EIF2S1: variants seen among roughly 807,000 people sequenced by gnomAD.
The protein encoded by EIF2S1 is eukaryotic translation initiation factor 2 subunit 1.
EIF2S1 carries 5 observed loss-of-function variants against 33.5 expected under a neutral mutation model. The observed-to-expected ratio is 0.15, with a 90% CI of 0.08 to 0.31. The LOEUF (loss-of-function observed/expected upper bound fraction) is 0.31. EIF2S1 is among the 10% of genes least tolerant of loss of function. The probability of loss-of-function intolerance (pLI) is 1.00; values close to 1 mark genes in which losing one functional copy is unlikely to be tolerated. For missense variants in EIF2S1, 191 were observed against 384.6 expected, an observed-to-expected ratio of 0.50 and a Z score of 4.21; for synonymous variants, 99 against 127.5, an observed-to-expected ratio of 0.78 and a Z score of 1.51.
chr14:67,378,347 C>T (rs949778540), intron 4 of EIF2S1, among the ~76,000 whole-genome samples: 7 of 138,354 alleles, frequency 5.1e-5, no homozygotes, highest in Admixed American at 3.8e-4. Context: ...TGGTATATCA[C>T]GTGGTAGAAA....
rs183671945 is a variant in EIF2S1 at position 67,384,434 on chromosome 14, A to C, written c.*994A>C. On this transcript the variant is annotated 3_prime_UTR_variant, in exon 8 of 8. Coordinates refer to ENST00000256383, the MANE Select transcript of EIF2S1 (RefSeq NM_004094.5). The stretch of plus-strand genomic sequence containing the variant: ...AACTAATTCGTACATAATAAGTTTC[A>C]TAGGTAACACATTATTTGAAGTTAC... The C allele has an allele frequency of 6.6e-6, 1 of 151,912 alleles. No individual in the cohort carries two copies. Among genetic ancestry groups the C allele is most frequent in the Admixed American group, 6.6e-5 (1 of 15,252 alleles). The allele number at this position is 151,912 out of a possible 1,614,324, so 9.4% of individuals were successfully genotyped here.
chr14:67,380,928 A>G (rs2085884628), intron 5 of EIF2S1, among the ~76,000 whole-genome samples, 163 bp downstream of exon 5: 1 of 152,222 alleles, frequency 6.6e-6, no homozygotes, highest in Non-Finnish European at 1.5e-5. Context: ...TGGCTTCTGA[A>G]TCATAAAATT....
chr14:67,369,712 T>C (rs1358223063), intron 2 of EIF2S1, among the ~76,000 whole-genome samples: 1 of 152,204 alleles, frequency 6.6e-6, no homozygotes, highest in Non-Finnish European at 1.5e-5. Flanking sequence ...TTCCAAATAA[T>C]TCATATATTA....
At chr14:67,368,661 C>T (rs984743477) in intron 2 of EIF2S1, among the ~76,000 whole-genome samples, 4 of 143,732 alleles carry the variant, frequency 2.8e-5, no homozygotes, top group South Asian at 2.3e-4. Flanking sequence ...TGATTCTTAA[C>T]GATTCTTACA....
intron 2 of EIF2S1, among the ~76,000 whole-genome samples, chr14:67,371,633 T>G (rs957355743): frequency 6.6e-6 from 1 of 152,202 alleles, no homozygotes; most frequent in Non-Finnish European, 1.5e-5. Flanking sequence ...CTATACTGAT[T>G]AGGTAGTTGT....
intron 2 of EIF2S1, among the ~76,000 whole-genome samples, chr14:67,369,897 G>GAC (rs887798305): frequency 2.6e-5 from 4 of 152,094 alleles, no homozygotes; most frequent in Admixed American, 2.0e-4. Flanking sequence ...AGGAATTAAA[G>GAC]ACACACACAC....
chr14:67,364,976 G>A lies in EIF2S1; in HGVS notation c.209G>A (p.Cys70Tyr). Residue 70 changes from cysteine to tyrosine, a missense_variant, in exon 2 of 8, where the codon TGT (cysteine) becomes TAT (tyrosine). Coordinates refer to ENST00000256383, the MANE Select transcript of EIF2S1 (RefSeq NM_004094.5). ...NKLIRIGRNE[C>Y]VVVIRVDKEK... Reference sequence around the variant, plus strand: ...CTCATCCGAATTGGCAGGAATGAGTGTGTGGTTGTCATTAGGGTGGACAAA... The same window carrying A: ...CTCATCCGAATTGGCAGGAATGAGTATGTGGTTGTCATTAGGGTGGACAAA... 6.2e-7 allele frequency: 1 copy of A among 1,613,524 alleles called. No individual in the cohort carries two copies. Among genetic ancestry groups the A allele is most frequent in the South Asian group, 1.1e-5 (1 of 91,002 alleles).
At chr14:67,377,981 C>T (rs562336984) in intron 4 of EIF2S1, among the ~76,000 whole-genome samples, 3 of 151,720 alleles carry the variant, frequency 2.0e-5, no homozygotes, top group Non-Finnish European at 4.4e-5. Flanking sequence ...GGTGTGGTAG[C>T]ATTTGCCTGT....
chr14:67,365,008 GGTAA>G lies in EIF2S1; in HGVS notation c.241+3_241+6del, dbSNP rs755389283. The G allele has an allele frequency of 6.3e-7, 1 of 1,575,448 alleles. No homozygotes were observed. Among genetic ancestry groups the G allele is most frequent in the Non-Finnish European group, 8.6e-7 (1 of 1,159,228 alleles). ...TGTCATTAGGGTGGACAAAGAAAAA[GGTAA>G]GTGAGAAAAATATCTGTAATATAAA... On this transcript the variant is annotated splice_donor_variant and splice_donor_region_variant and intron_variant, in intron 2 of 7. Coordinates refer to ENST00000256383, the MANE Select transcript of EIF2S1 (RefSeq NM_004094.5). LOFTEE classifies it high-confidence loss of function.
intron 2 of EIF2S1, among the ~76,000 whole-genome samples, chr14:67,373,263 CTG>C (rs1037018338): frequency 1.3e-5 from 2 of 152,178 alleles, no homozygotes; most frequent in African/African-American, 4.8e-5. Flanking sequence ...GGTTAAATGA[CTG>C]TTCTTTTTTT....
intron 1 of EIF2S1, among the ~76,000 whole-genome samples, chr14:67,362,787 A>G (rs2085751700): frequency 6.6e-6 from 1 of 152,242 alleles, no homozygotes. Context: ...TCATTAGGCA[A>G]TATGTTCAAA....
At chr14:67,371,893 A>C (rs1176772176) in intron 2 of EIF2S1, among the ~76,000 whole-genome samples, 1 of 152,356 alleles carries the variant, frequency 6.6e-6, no homozygotes, top group East Asian at 1.9e-4. Flanking sequence ...TATGTTTTTC[A>C]AATCCAACAA....
intron 4 of EIF2S1, among the ~76,000 whole-genome samples, chr14:67,378,637 A>T (rs1280197889): frequency 6.6e-6 from 1 of 152,166 alleles, no homozygotes; most frequent in African/African-American, 2.4e-5. Flanking sequence ...AACTGTCATC[A>T]TCTGGCTTCT....
Position 67,383,850 on chromosome 14 carries a change from G to T in EIF2S1, c.*410G>T. 4.2e-6 allele frequency: 1 copy of T among 238,696 alleles called. No individual in the cohort carries two copies. Among genetic ancestry groups the T allele is most frequent in the Non-Finnish European group, 8.4e-6 (1 of 119,276 alleles). The allele number at this position is 238,696 out of a possible 1,614,324, so 14.8% of individuals were successfully genotyped here. A position where few individuals can be genotyped will look rare whatever the true frequency, so the allele number is the denominator to read the frequency against. On this transcript the variant is annotated 3_prime_UTR_variant, in exon 8 of 8. Transcript: ENST00000256383. ...TCAAGCAAACATCAAATAAATTTCT[G>T]GGATATTTAACTATAGGCTTCTTCC...
chr14:67,373,044 A>G (rs78754667), intron 2 of EIF2S1, among the ~76,000 whole-genome samples: 7 of 152,314 alleles, frequency 4.6e-5, no homozygotes, highest in East Asian at 1.9e-4. Context: ...TTAAAAATCA[A>G]TTGAGAGACA....
At chr14:67,371,448 G>C (rs1293008179) in intron 2 of EIF2S1, among the ~76,000 whole-genome samples, 1 of 152,056 alleles carries the variant, frequency 6.6e-6, no homozygotes, top group Non-Finnish European at 1.5e-5. Context: ...AAGGAGGCGG[G>C]AACACTTTCG....
At chr14:67,377,182 T>C (rs1358620033) in intron 4 of EIF2S1, among the ~76,000 whole-genome samples, 2 of 152,250 alleles carry the variant, frequency 1.3e-5, no homozygotes, top group African/African-American at 2.4e-5. Context: ...TACATCATTT[T>C]AACGACTTTG....
chr14:67,378,790 A>G (rs940436561), intron 4 of EIF2S1, among the ~76,000 whole-genome samples: 1 of 152,034 alleles, frequency 6.6e-6, no homozygotes, highest in Admixed American at 6.5e-5. Context: ...AGTTCTTTGC[A>G]TTTTTCTTTT....
intron 2 of EIF2S1, among the ~76,000 whole-genome samples, chr14:67,372,126 T>A (rs2085826225): frequency 1.3e-5 from 2 of 150,638 alleles, no homozygotes; most frequent in African/African-American, 4.9e-5. Context: ...TCTTTTTATT[T>A]AAAAAAAAAA....
Sources: allele counts gnomAD v4.1 joint callset (sites outside exome capture counted in the v4.1 genomes callset), GRCh38; gene constraint gnomAD v4.1.1; transcripts MANE v1.5; gene names NCBI Gene and HGNC (gene_info 2026-07-23, HGNC 2026-07-21).